RALY: variants seen among roughly 807,000 people sequenced by gnomAD.
The protein encoded by RALY is RNA-binding protein Raly.
In RALY, 15 loss-of-function variants were observed where a neutral mutation model predicts 30.7. That is an observed-to-expected ratio of 0.49 (90% CI 0.33 to 0.75). The LOEUF (loss-of-function observed/expected upper bound fraction) is 0.75, where lower values mean the gene tolerates loss of function less well. Ranked by LOEUF, RALY falls within the 30% of genes least tolerant of loss-of-function variation. The probability of loss-of-function intolerance (pLI) is 0.02; values close to 1 mark genes in which losing one functional copy is unlikely to be tolerated. For synonymous variants in RALY, 177 were observed against 170.8 expected (o/e 1.04, Z -0.28); for missense variants, 339 against 414.3 (o/e 0.82, Z 1.58).
chr20:34,055,411 C>T (rs374874803), intron 2 of RALY, among the ~76,000 whole-genome samples: 4 of 152,134 alleles, frequency 2.6e-5, no homozygotes, highest in Admixed American at 6.5e-5. Flanking sequence ...TGCAGCCTGC[C>T]GCTTTGTATC....
intron 9 of RALY, 68 bp downstream of exon 9, chr20:34,078,621 T>C: frequency 1.4e-6 from 2 of 1,420,080 alleles, no homozygotes; most frequent in Admixed American, 2.5e-5. Flanking sequence ...GCCTTTTCCC[T>C]GGATTGGGCA....
At chr20:34,069,281 T>G (rs752574467) in intron 2 of RALY, among the ~76,000 whole-genome samples, 1 of 152,222 alleles carries the variant, frequency 6.6e-6, no homozygotes, top group Non-Finnish European at 1.5e-5. Flanking sequence ...AGTCCTTTTA[T>G]GTACATCATT....
chr20:34,001,883 C>G (rs1214036334), intron 1 of RALY, among the ~76,000 whole-genome samples: 1 of 152,166 alleles, frequency 6.6e-6, no homozygotes, highest in Non-Finnish European at 1.5e-5. Context: ...TCTCCTGCCT[C>G]AGCCTCCTGA....
chr20:34,035,329 T>A (rs2032455258), intron 2 of RALY, among the ~76,000 whole-genome samples: 1 of 152,094 alleles, frequency 6.6e-6, no homozygotes, highest in South Asian at 2.1e-4. Flanking sequence ...TGTTAATTAT[T>A]TATAGTATCT....
At chr20:34,013,413 C>CAAAAA (rs34859292) in intron 1 of RALY, among the ~76,000 whole-genome samples, 1 of 84,794 alleles carries the variant, frequency 1.2e-5, no homozygotes, top group Non-Finnish European at 2.7e-5. Flanking sequence ...GACCTTGTCT[C>CAAAAA]AAAAAAAAAA....
At chr20:33,994,406 C>G (rs1017112300) in intron 1 of RALY, 14 of 152,394 alleles carry the variant, frequency 9.2e-5, no homozygotes, top group Non-Finnish European at 1.9e-4. Flanking sequence ...CAAGTCTGGG[C>G]CAGTAGTTGG....
chr20:34,052,674 G>A (rs1436058344), intron 2 of RALY, among the ~76,000 whole-genome samples: 1 of 152,208 alleles, frequency 6.6e-6, no homozygotes, highest in Admixed American at 6.5e-5. Flanking sequence ...CAGGGGTCAA[G>A]TAATTATCTC....
intron 2 of RALY, among the ~76,000 whole-genome samples, chr20:34,067,820 T>TTTC (rs1555808569): frequency 6.7e-6 from 1 of 148,520 alleles, no homozygotes; most frequent in Non-Finnish European, 1.5e-5. Context: ...TTTTTTCTTT[T>TTTC]TTTTTTTTTT....
intron 1 of RALY, among the ~76,000 whole-genome samples, chr20:34,001,200 C>T (rs1424764805): frequency 2.0e-5 from 3 of 151,914 alleles, no homozygotes; most frequent in African/African-American, 4.8e-5. Flanking sequence ...ACTTGGAGTC[C>T]AAGACTATAA....
In RALY at chr20:34,082,956, G is replaced by A. The variant is rs2034053260; in HGVS notation, c.*3051G>A. 6.6e-6 allele frequency: 1 copy of A among 152,194 alleles called. No individual in the cohort carries two copies. Among genetic ancestry groups the A allele is most frequent in the African/African-American group, 2.4e-5 (1 of 41,446 alleles). The allele number at this position is 152,194 out of a possible 1,614,324, so 9.4% of individuals were successfully genotyped here. On this transcript the variant is annotated 3_prime_UTR_variant, in exon 10 of 10. Transcript: ENST00000246194. Reference sequence around the variant, plus strand: ...CTTGAAAGAATAGAGCAGCCAGTGGGTATACTGGATTGTGAGCTAAGAGGC... The same window carrying A: ...CTTGAAAGAATAGAGCAGCCAGTGGATATACTGGATTGTGAGCTAAGAGGC...
At chr20:34,009,680 T>C (rs1772514518) in intron 1 of RALY, among the ~76,000 whole-genome samples, 1 of 152,208 alleles carries the variant, frequency 6.6e-6, no homozygotes, top group African/African-American at 2.4e-5. Context: ...GCTTTGAGTT[T>C]ACAACTTCAT....
chr20:34,074,981 C>T (rs532681276), intron 5 of RALY, among the ~76,000 whole-genome samples: 3 of 152,256 alleles, frequency 2.0e-5, no homozygotes, highest in East Asian at 3.9e-4. Flanking sequence ...CCCTGGGCTG[C>T]GATTCCCTGA....
At chr20:34,023,497 C>A (rs2031906756) in intron 1 of RALY, among the ~76,000 whole-genome samples, 1 of 152,168 alleles carries the variant, frequency 6.6e-6, no homozygotes, top group Non-Finnish European at 1.5e-5. Context: ...AAGTGGACAT[C>A]CAGGCTGGCA....
intron 1 of RALY, among the ~76,000 whole-genome samples, chr20:34,000,153 C>T (rs1281702874): frequency 1.3e-5 from 2 of 152,148 alleles, no homozygotes; most frequent in Non-Finnish European, 2.9e-5. Flanking sequence ...CAACTTCCCC[C>T]TGGGTACTGT....
intron 2 of RALY, among the ~76,000 whole-genome samples, chr20:34,063,632 G>T (rs1392801141): frequency 6.6e-6 from 1 of 152,190 alleles, no homozygotes; most frequent in Non-Finnish European, 1.5e-5. Context: ...GCAAGAATAA[G>T]TATGCATCTA....
intron 2 of RALY, among the ~76,000 whole-genome samples, chr20:34,042,264 G>A (rs1356035697): frequency 1.3e-5 from 2 of 152,016 alleles, no homozygotes; most frequent in African/African-American, 2.4e-5. Flanking sequence ...AAACTTCCAG[G>A]GTTCCCAGGA....
At chr20:34,001,593 G>A (rs930120554) in intron 1 of RALY, among the ~76,000 whole-genome samples, 2 of 152,102 alleles carry the variant, frequency 1.3e-5, no homozygotes, top group Non-Finnish European at 2.9e-5. Flanking sequence ...CTTAGTTAAC[G>A]GTACTGCTTA....
chr20:34,077,243 C>T lies in RALY; in HGVS notation c.874C>T (p.Leu292=). 1.2e-6 allele frequency: 2 copies of T among 1,613,688 alleles called. No homozygotes were observed. Among genetic ancestry groups the T allele is most frequent in the South Asian group, 2.2e-5 (2 of 91,070 alleles). The change falls in exon 8 of 10, where the codon CTG becomes TTG. Residue 292 remains leucine (L), a splice_region_variant and synonymous_variant. Coordinates refer to ENST00000246194, the MANE Select transcript of RALY (RefSeq NM_016732.3). The stretch of plus-strand genomic sequence containing the variant: ...GCTCCTGACACACAGCGAGGAAGAG[C>T]TGGTGAGGGCCTGGCCAGGGGCACG... The part of the protein sequence containing the change: ...EGLLTHSEEE[L]EHSQDTDADD...
At chr20:34,011,808 G>A (rs1047024859) in intron 1 of RALY, among the ~76,000 whole-genome samples, 4 of 152,158 alleles carry the variant, frequency 2.6e-5, no homozygotes, top group African/African-American at 7.2e-5. Context: ...GTTCATGCCT[G>A]TAATCCCAGC....
Sources: gnomAD v4.1 joint callset for allele counts (sites outside exome capture counted in the v4.1 genomes callset) on GRCh38, gnomAD v4.1.1 for gene constraint, MANE v1.5 for transcripts, NCBI Gene and HGNC (gene_info 2026-07-23, HGNC 2026-07-21) for gene names.